Variants in EPM2A observed in about 807,000 individuals in gnomAD.
The protein encoded by EPM2A is EPM2A glucan phosphatase, laforin, also known as laforin.
EPM2A carries 21 observed loss-of-function variants against 26.5 expected under a neutral mutation model. That is an observed-to-expected ratio of 0.79 (90% CI 0.56 to 1.14). The LOEUF (loss-of-function observed/expected upper bound fraction) is 1.14, where lower values mean the gene tolerates loss of function less well. Among genes scored for constraint, EPM2A ranks in the 50% most tolerant of loss-of-function variants. The pLI is 0.00. For missense variants in EPM2A, 458 were observed against 440.8 expected (o/e 1.04, Z -0.35); for synonymous variants, 217 against 177.6 (o/e 1.22, Z -1.76).
chr6:145,706,132 C>A (rs1053126639), intron 1 of EPM2A, among the ~76,000 whole-genome samples: 1 of 152,114 alleles, frequency 6.6e-6, no homozygotes, highest in Non-Finnish European at 1.5e-5. Context: ...GACTCAAAGT[C>A]CCAGTTCTGG....
chr6:145,494,752 T>C (rs540442854), intron 4 of EPM2A, among the ~76,000 whole-genome samples: 17 of 152,324 alleles, frequency 1.1e-4, no homozygotes, highest in Non-Finnish European at 2.4e-4. Flanking sequence ...TCCACAGTCA[T>C]CCAGGGGCAG....
At chr6:145,544,248 C>T (rs1365950861) in intron 2 of EPM2A, among the ~76,000 whole-genome samples, 4 of 152,096 alleles carry the variant, frequency 2.6e-5, no homozygotes, top group Admixed American at 1.3e-4. Context: ...ATTGCTAAGC[C>T]GCATTGGCTG....
chr6:145,395,325 C>A (rs1164582748), intron 4 of EPM2A, among the ~76,000 whole-genome samples: 1 of 152,146 alleles, frequency 6.6e-6, no homozygotes, highest in Non-Finnish European at 1.5e-5. Context: ...CTCTGGGACA[C>A]CCAAATTATG....
chr6:145,529,717 A>C (rs944886631), intron 2 of EPM2A, among the ~76,000 whole-genome samples: 4 of 152,290 alleles, frequency 2.6e-5, no homozygotes, highest in African/African-American at 9.6e-5. Flanking sequence ...TGCATGCAAA[A>C]GGTTGGCAAC....
chr6:145,571,135 C>T (rs925311107), intron 2 of EPM2A, among the ~76,000 whole-genome samples: 2 of 152,178 alleles, frequency 1.3e-5, no homozygotes, highest in Non-Finnish European at 2.9e-5. Context: ...GGTGCCACTT[C>T]CACTTCCACC....
At chr6:145,694,528 C>A (rs1583069225) in intron 1 of EPM2A, among the ~76,000 whole-genome samples, 1 of 151,872 alleles carries the variant, frequency 6.6e-6, no homozygotes, top group Non-Finnish European at 1.5e-5. Flanking sequence ...TACAGCTAAA[C>A]TGTCCTTGCT....
At chr6:145,575,523 G>T (rs576698975) in intron 2 of EPM2A, among the ~76,000 whole-genome samples, 5 of 152,266 alleles carry the variant, frequency 3.3e-5, no homozygotes, top group African/African-American at 1.2e-4. Flanking sequence ...ATCTGCTTCT[G>T]AAGCCGGGAG....
chr6:145,462,730 T>A (rs1035114222), intron 4 of EPM2A, among the ~76,000 whole-genome samples: 1 of 152,176 alleles, frequency 6.6e-6, no homozygotes, highest in Non-Finnish European at 1.5e-5. Flanking sequence ...GTACACTATG[T>A]CAACACATCT....
rs9497286 is a variant in EPM2A at position 145,386,146 on chromosome 6, A to C, written c.556-2049T>G. Among the ~76,000 whole-genome samples the C allele has an allele frequency of 6.0e-3, 920 of 152,270 alleles. 6 individuals are homozygous for C. The highest frequency in any genetic ancestry group is 0.021 in the African/African-American group (882 of 41,578). ...GGAAAGGTGTAATCAATAGTAAACTATATTCAGATACTACTTAGCATAAAA... is the reference window on the plus strand; with the variant it reads ...GGAAAGGTGTAATCAATAGTAAACTCTATTCAGATACTACTTAGCATAAAA... On this transcript the variant is annotated intron_variant, in intron 4 of 4. Coordinates refer to the EPM2A transcript ENST00000638717.
chr6:145,642,167 C>G (rs372207235), intron 2 of EPM2A, among the ~76,000 whole-genome samples: 1 of 152,122 alleles, frequency 6.6e-6, no homozygotes, highest in African/African-American at 2.4e-5. Context: ...AATAACCAGG[C>G]TACGACTTGG....
At chr6:145,577,851 C>T (rs1781056180) in intron 2 of EPM2A, among the ~76,000 whole-genome samples, 1 of 151,988 alleles carries the variant, frequency 6.6e-6, no homozygotes, top group Non-Finnish European at 1.5e-5. Flanking sequence ...TATCAACTAT[C>T]TTTTATGAAC....
At chr6:145,708,376 C>G (rs1591698) in intron 1 of EPM2A, among the ~76,000 whole-genome samples, 10,143 of 152,194 alleles carry the variant, frequency 0.067, 1,137 homozygotes, top group African/African-American at 0.23. Context: ...CATCACAGGC[C>G]TGGAGAAGCA....
chr6:145,595,247 G>C (rs1231217263), intron 2 of EPM2A, among the ~76,000 whole-genome samples: 1 of 151,396 alleles, frequency 6.6e-6, no homozygotes, highest in Non-Finnish European at 1.5e-5. Flanking sequence ...ATGACCTTCT[G>C]CTCTGAAATC....
chr6:145,728,831 A>T (rs1448081527), intron 1 of EPM2A, among the ~76,000 whole-genome samples: 1 of 152,208 alleles, frequency 6.6e-6, no homozygotes, highest in Non-Finnish European at 1.5e-5. Context: ...CACAATGTAG[A>T]AAAGGCCTGG....
intron 2 of EPM2A, among the ~76,000 whole-genome samples, chr6:145,611,108 G>A (rs1410921674): frequency 6.6e-6 from 1 of 151,914 alleles, no homozygotes. Flanking sequence ...AAGCATATAT[G>A]AAAAAATAGA....
chr6:145,638,954 C>T (rs1776889095), intron 2 of EPM2A: 1 of 152,024 alleles, frequency 6.6e-6, no homozygotes, highest in Admixed American at 6.6e-5. Flanking sequence ...AATTTGATAC[C>T]ATTAAAAATT....
At chr6:145,730,752 A>ATT (rs1020682121) in intron 1 of EPM2A, among the ~76,000 whole-genome samples, 4 of 152,204 alleles carry the variant, frequency 2.6e-5, no homozygotes, top group African/African-American at 9.7e-5. Flanking sequence ...AGTTAATGTG[A>ATT]TTTTTAGCCT....
intron 2 of EPM2A, among the ~76,000 whole-genome samples, chr6:145,543,794 G>A (rs1421934523): frequency 1.3e-5 from 2 of 152,020 alleles, no homozygotes; most frequent in Non-Finnish European, 2.9e-5. Flanking sequence ...TCTCCACTGG[G>A]CCATTTTCCC....
intron 2 of EPM2A, among the ~76,000 whole-genome samples, chr6:145,504,651 T>G (rs1300357979): frequency 1.9e-5 from 1 of 51,900 alleles, no homozygotes; most frequent in Non-Finnish European, 3.8e-5. Flanking sequence ...TTGGTGGGAC[T>G]GTAAACTAGT....
Sources: gnomAD v4.1 joint callset for allele counts (sites outside exome capture counted in the v4.1 genomes callset) on GRCh38, gnomAD v4.1.1 for gene constraint, MANE v1.5 for transcripts, NCBI Gene and HGNC (gene_info 2026-07-23, HGNC 2026-07-21) for gene names.